Variants in PITPNM1 observed in about 807,000 individuals in gnomAD.
PITPNM1 encodes phosphatidylinositol transfer protein membrane associated 1.
In PITPNM1, 74 loss-of-function variants were observed where a neutral mutation model predicts 133.3. The observed-to-expected ratio is 0.56, with a 90% CI of 0.46 to 0.67. The LOEUF is 0.67. Among genes scored for constraint, PITPNM1 ranks in the 30% least tolerant of loss-of-function variants. The probability of loss-of-function intolerance (pLI) is 0.00; values close to 1 mark genes in which losing one functional copy is unlikely to be tolerated. For synonymous variants in PITPNM1, 738 were observed against 741.4 expected, an observed-to-expected ratio of 1.00 and a Z score of 0.08; for missense variants, 1,398 against 1,739.5, an observed-to-expected ratio of 0.80 and a Z score of 3.49.
At position 67,501,970 on chromosome 11, in the gene PITPNM1, G is replaced by A. The variant is rs202109185; in HGVS notation, c.532C>T (p.Arg178Trp). The change falls in exon 5 of 24, where the codon CGG (arginine) becomes TGG (tryptophan). Residue 178 changes from arginine to tryptophan, a missense_variant. By Grantham distance (101) the Arg-to-Trp change is moderately radical. Around this residue, in one of 5 missense-constraint regions of PITPNM1, gnomAD observed 274 missense variants for 360.7 expected, o/e 0.76. Coordinates refer to ENST00000356404, the MANE Select transcript of PITPNM1 (RefSeq NM_004910.3). ...GRGPLSDDWA[R>W]TAAQTGPLMC... Reference sequence around the variant, plus strand: ...AGGGGCCCCGTCTGTGCCGCCGTCCGTGCCCAGTCATCAGACAGTGGCCCT... The same window carrying A: ...AGGGGCCCCGTCTGTGCCGCCGTCCATGCCCAGTCATCAGACAGTGGCCCT... 198 of 1,613,530 alleles carry A rather than the reference G, an allele frequency of 1.2e-4. 2 individuals are homozygous for A. The South Asian group carries it at 1.4e-3, about 11-fold the overall frequency.
At chr11:67,499,027 G>A (rs748137377) in intron 8 of PITPNM1, 26 bp from the exon 9 acceptor site, 1 of 1,595,880 alleles carries the variant, frequency 6.3e-7, no homozygotes, top group Admixed American at 1.7e-5. Context: ...GCCAGTGAGA[G>A]GGACGGAGAG....
At position 67,496,164 on chromosome 11, in the gene PITPNM1, G is replaced by T. The variant is rs775727558; in HGVS notation, c.2317+14C>A. 4.7e-6 allele frequency: 7 copies of T among 1,503,166 alleles called. No homozygotes were observed. Among genetic ancestry groups the T allele is most frequent in the African/African-American group, 1.5e-5 (1 of 68,202 alleles). 93.1% of individuals were successfully genotyped at this position (1,503,166 alleles called of 1,614,324 possible). A position where few individuals can be genotyped will look rare whatever the true frequency, so the allele number is the denominator to read the frequency against. On this transcript the variant is annotated intron_variant, in intron 15 of 23. Transcript: ENST00000356404. Reference sequence around the variant, plus strand: ...CCCTCCTCCTTCTCCCCTTTATCTTGTTTGGGGGCGTACCCAGCAGCAGGG... The same window carrying T: ...CCCTCCTCCTTCTCCCCTTTATCTTTTTTGGGGGCGTACCCAGCAGCAGGG...
At chr11:67,500,848 A>AT (rs1866300740) in intron 5 of PITPNM1, among the ~76,000 whole-genome samples, 1 of 152,262 alleles carries the variant, frequency 6.6e-6, no homozygotes, top group Non-Finnish European at 1.5e-5. Flanking sequence ...GTAGCGAAAG[A>AT]TGATACCCAT....
Position 67,498,542 on chromosome 11 carries a change from C to T in PITPNM1, c.1484+54G>A. The stretch of plus-strand genomic sequence containing the variant: ...CCTGACCCCTTCCCCGCTCCCTGCC[C>T]CGCTCCCTGGCCTGATCCTACGAGT... On this transcript the variant is annotated intron_variant, in intron 10 of 23. Coordinates refer to ENST00000356404, the MANE Select transcript of PITPNM1 (RefSeq NM_004910.3). The surrounding 1 kb of genome is among the most constrained non-coding windows in gnomAD (Gnocchi z 5.7). The T allele has an allele frequency of 1.3e-6, 2 of 1,570,684 alleles. No homozygotes were observed. Among genetic ancestry groups the T allele is most frequent in the Non-Finnish European group, 1.7e-6 (2 of 1,162,876 alleles).
chr11:67,504,143 C>A lies in PITPNM1; in HGVS notation c.38G>T (p.Ser13Ile). 1.2e-6 allele frequency: 2 copies of A among 1,609,886 alleles called. No individual in the cohort carries two copies. The highest frequency in any genetic ancestry group is 1.7e-6 in the Non-Finnish European group (2 of 1,178,784). Reference sequence around the variant, plus strand: ...CTGGGCCACCTGGTACTCGTCCAGGCTCATGGGCAGCAGAATGTGGTATTC... The same window carrying A: ...CTGGGCCACCTGGTACTCGTCCAGGATCATGGGCAGCAGAATGTGGTATTC... ...IKEYHILLPM[S>I]LDEYQVAQLY... The change falls in exon 2 of 24, where the codon AGC (serine) becomes ATC (isoleucine). Residue 13 changes from serine (S) to isoleucine (I), a missense_variant. By Grantham distance (142) the Ser-to-Ile change is moderately radical (BLOSUM62 -2). Around this residue, in one of 5 missense-constraint regions of PITPNM1, gnomAD observed 274 missense variants for 360.7 expected, o/e 0.76. Coordinates refer to ENST00000356404, the MANE Select transcript of PITPNM1 (RefSeq NM_004910.3). This position sits in a 1 kb window ranked among gnomAD's most constrained non-coding sequence, Gnocchi z 5.4.
chr11:67,494,858 C>T lies in PITPNM1; in HGVS notation c.2730G>A (p.Gln910=). Residue 910 remains glutamine (Q), a synonymous_variant, in exon 18 of 24, where the codon CAG becomes CAA. Transcript: ENST00000356404. ...PREKWQRKRT[Q]VKIRNVTSNH... The stretch of plus-strand genomic sequence containing the variant: ...GCAGGGCACCTACCCGGATCTTGAC[C>T]TGCGTGCGTTTTCGCTGCCACTTCT... 2 of 1,612,190 alleles carry T rather than the reference C, an allele frequency of 1.2e-6. No individual in the cohort carries two copies. Among genetic ancestry groups the T allele is most frequent in the Non-Finnish European group, 1.7e-6 (2 of 1,179,324 alleles).
Position 67,497,606 on chromosome 11 carries a change from C to T in PITPNM1, c.1856G>A (p.Arg619Gln), listed in dbSNP as rs760895818. 1.6e-5 allele frequency: 26 copies of T among 1,606,824 alleles called. No homozygotes were observed. Among genetic ancestry groups the T allele is most frequent in the South Asian group, 1.1e-4 (10 of 90,400 alleles). The change falls in exon 13 of 24, where the codon CGG becomes CAG. Residue 619 changes from arginine to glutamine, a missense_variant. Physicochemically the swap from Arg to Gln is conservative, Grantham distance 43. This residue lies in a region of PITPNM1 where 574 missense variants were observed against 698.7 expected (regional missense o/e 0.82). Coordinates refer to ENST00000356404, the MANE Select transcript of PITPNM1 (RefSeq NM_004910.3). ...CAAGGCCGAGGGTTCTGGGCTGCCC[C>T]GACCCAGGCCTTCCACACCATCTGC... ...PLADGVEGLGRGSPEPSALPP... is the reference protein window; with the variant it reads ...PLADGVEGLGQGSPEPSALPP...
At position 67,497,478 on chromosome 11, in the gene PITPNM1, T is replaced by C. The variant is rs747686857; in HGVS notation, c.1941-42A>G. 3.1e-6 allele frequency: 5 copies of C among 1,595,416 alleles called. No individual in the cohort carries two copies. In the Admixed American group the frequency reaches 8.8e-5, roughly 28 times the overall value. Reference sequence around the variant, plus strand: ...GTGCTCAGTGCTGCTGCCTCTGTAGTCCATCATGTGCCCAGGGTAGGGGTG... The same window carrying C: ...GTGCTCAGTGCTGCTGCCTCTGTAGCCCATCATGTGCCCAGGGTAGGGGTG... On this transcript the variant is annotated intron_variant, in intron 13 of 23. Transcript: ENST00000356404.
intron 14 of PITPNM1, chr11:67,496,560 G>A (rs1439404214): frequency 1.3e-5 from 7 of 521,716 alleles, no homozygotes; most frequent in Admixed American, 4.2e-5. Flanking sequence ...AGTACTGCGG[G>A]AGGCAGAAGC....
chr11:67,504,206 G>A lies in PITPNM1; in HGVS notation c.-26C>T, dbSNP rs773562775. 66 of 1,565,776 alleles carry A rather than the reference G, an allele frequency of 4.2e-5. No homozygotes were observed. The Middle Eastern group carries it at 5.4e-4, about 13-fold the overall frequency. On this transcript the variant is annotated 5_prime_UTR_variant, in exon 2 of 24. Coordinates refer to ENST00000356404, the MANE Select transcript of PITPNM1 (RefSeq NM_004910.3). This position sits in a 1 kb window ranked among gnomAD's most constrained non-coding sequence, Gnocchi z 5.4. Reference sequence around the variant, plus strand: ...CCTGAAGGCGCTCGGCGGGCCGCGCGCGGCCTCCGCTCCTCCTGGCGCAGG... The same window carrying A: ...CCTGAAGGCGCTCGGCGGGCCGCGCACGGCCTCCGCTCCTCCTGGCGCAGG...
chr11:67,502,746 G>C lies in PITPNM1; in HGVS notation c.79-28C>G, dbSNP rs560580069. ...GTGGCCCAAGGGAGAGCAGGACAGG[G>C]AGCTCAGCCCCAGCTTAGCATCTGG... On this transcript the variant is annotated intron_variant, in intron 2 of 23. Transcript: ENST00000356404. This position sits in a 1 kb window ranked among gnomAD's most constrained non-coding sequence, Gnocchi z 5.9. 1.3e-6 allele frequency: 2 copies of C among 1,599,460 alleles called. No homozygotes were observed. Among genetic ancestry groups the C allele is most frequent in the East Asian group, 4.5e-5 (2 of 44,550 alleles).
chr11:67,496,652 T>G, intron 14 of PITPNM1: 2 of 340,398 alleles, frequency 5.9e-6, no homozygotes, highest in Non-Finnish European at 5.3e-6. Flanking sequence ...ATACAAAAAT[T>G]AGCTGGGTTC....
At position 67,496,286 on chromosome 11, in the gene PITPNM1, C is replaced by T. The variant is rs753262137; in HGVS notation, c.2209G>A (p.Ala737Thr). ...GCCAGCAGGGGCTCGAGGCGTGAGG[C>T]GCAGGGGTCAGCCGCGTGGAAGAGG... is the stretch of plus-strand genomic sequence containing the variant. ...YNLFHAADPCASRLEPLLAPK... is the reference protein window; with the variant it reads ...YNLFHAADPCTSRLEPLLAPK... Residue 737 changes from alanine to threonine, a missense_variant, in exon 15 of 24, where the codon GCC becomes ACC. This residue lies in a region of PITPNM1 where 574 missense variants were observed against 698.7 expected (regional missense o/e 0.82). Transcript: ENST00000356404. The T allele has an allele frequency of 6.3e-6, 10 of 1,575,082 alleles. 1 individual carries two copies. The South Asian group carries it at 7.0e-5, about 11-fold the overall frequency.
chr11:67,500,392 G>T lies in PITPNM1; in HGVS notation c.670C>A (p.Arg224Ser), dbSNP rs745995374. The change falls in exon 6 of 24, where the codon CGC becomes AGC. Residue 224 changes from arginine to serine, a missense_variant. Around this residue, in one of 5 missense-constraint regions of PITPNM1, gnomAD observed 274 missense variants for 360.7 expected, o/e 0.76. Coordinates refer to ENST00000356404, the MANE Select transcript of PITPNM1 (RefSeq NM_004910.3). ...TCATCCTGCCAGCACCAGGCCTGGC[G>T]GTGGGCCCGCAGCATCACCCGACGC... ...GLRRVMLRAH[R>S]QAWCWQDEWT... 1.2e-6 allele frequency: 2 copies of T among 1,611,276 alleles called. No individual in the cohort carries two copies. The highest frequency in any genetic ancestry group is 1.1e-5 in the South Asian group (1 of 91,068).
At position 67,494,965 on chromosome 11, in the gene PITPNM1, G is replaced by A; in HGVS notation, c.2632-9C>T. 2 of 1,611,408 alleles carry A rather than the reference G, an allele frequency of 1.2e-6. No homozygotes were observed. Among genetic ancestry groups the A allele is most frequent in the African/African-American group, 1.3e-5 (1 of 74,974 alleles). ...CGCTCCTTCTCGATCACCTGCACGG[G>A]ACAGGGGGCGAGGCCTCTGTCTCTT... On this transcript the variant is annotated splice_polypyrimidine_tract_variant and intron_variant, in intron 17 of 23. Transcript: ENST00000356404.
chr11:67,500,451 C>T, intron 5 of PITPNM1, 30 bp from the exon 6 acceptor site: 1 of 1,579,710 alleles, frequency 6.3e-7, no homozygotes, highest in Non-Finnish European at 8.6e-7. Context: ...AGAACTGCCC[C>T]CTCCCCCTGC....
Position 67,498,296 on chromosome 11 carries a change from T to C in PITPNM1, c.1511A>G (p.Asp504Gly). The change falls in exon 11 of 24, where the codon GAC becomes GGC. Residue 504 changes from aspartate (D) to glycine (G), a missense_variant. Physicochemically the swap from Asp to Gly is moderately conservative, Grantham distance 94. Transcript: ENST00000356404. The surrounding 1 kb of genome is among the most constrained non-coding windows in gnomAD (Gnocchi z 5.7). The part of the protein sequence containing the change: ...SNLSPYSHDG[D>G]SLSRSQDHIP... ...GTGGTCTTGGGAGCGAGACAGGCTG[T>C]CCCCATCGTGGCTGTAAGGGCTCAG... 6.3e-7 allele frequency: 1 copy of C among 1,594,260 alleles called. No homozygotes were observed. The highest frequency in any genetic ancestry group is 8.6e-7 in the Non-Finnish European group (1 of 1,169,014).
chr11:67,502,483 A>G lies in PITPNM1; in HGVS notation c.293+21T>C, dbSNP rs1345704495. On this transcript the variant is annotated intron_variant, in intron 3 of 23. Coordinates refer to ENST00000356404, the MANE Select transcript of PITPNM1 (RefSeq NM_004910.3). This position sits in a 1 kb window ranked among gnomAD's most constrained non-coding sequence, Gnocchi z 5.9. ...GCCGCTCCCCTCCTGGCCTCGGACC[A>G]TGCCCAGCTCACCCACTCACCGGGT... The G allele has an allele frequency of 1.9e-6, 3 of 1,613,642 alleles. No individual in the cohort carries two copies. The highest frequency in any genetic ancestry group is 2.2e-5 in the South Asian group (2 of 91,070).
In PITPNM1 at chr11:67,499,106, C is replaced by G. The variant is rs903275782; in HGVS notation, c.1172-105G>C. Reference sequence around the variant, plus strand: ...CTGGCATCTGCCTGAGGCCCCCAGTCCCTACCTTCCTCCAAACTTCTCCTC... The same window carrying G: ...CTGGCATCTGCCTGAGGCCCCCAGTGCCTACCTTCCTCCAAACTTCTCCTC... On this transcript the variant is annotated intron_variant, in intron 8 of 23. Coordinates refer to ENST00000356404, the MANE Select transcript of PITPNM1 (RefSeq NM_004910.3). The G allele has an allele frequency of 6.3e-6, 7 of 1,106,362 alleles. No individual in the cohort carries two copies. The East Asian group carries it at 1.5e-4, about 24-fold the overall frequency. 68.5% of individuals were successfully genotyped at this position (1,106,362 alleles called of 1,614,324 possible).
Sources: gnomAD v4.1 joint callset for allele counts (sites outside exome capture counted in the v4.1 genomes callset) on GRCh38, gnomAD v4.1.1 for gene constraint, gnomAD v4.1.1 regional missense constraint, Gnocchi (gnomAD v3.1) non-coding constraint, MANE v1.5 for transcripts, NCBI Gene and HGNC (gene_info 2026-07-23, HGNC 2026-07-21) for gene names.